EBAG9: variants seen among roughly 807,000 people sequenced by gnomAD.
EBAG9 encodes estrogen receptor binding site associated antigen 9.
EBAG9 carries 16 observed loss-of-function variants against 30.9 expected under a neutral mutation model. The ratio of observed to expected loss-of-function variants is 0.52; its 90% CI spans 0.35 to 0.79. The LOEUF is 0.79. Among genes scored for constraint, EBAG9 ranks in the 30% least tolerant of loss-of-function variants. EBAG9 has a pLI of 0.01. For synonymous variants in EBAG9, 93 were observed against 82.8 expected, an observed-to-expected ratio of 1.12 and a Z score of -0.67; for missense variants, 197 against 242.1, an observed-to-expected ratio of 0.81 and a Z score of 1.24.
rs532815835 is a variant in EBAG9, at chr8:109,541,916, T to G, written c.-16+1455T>G. On this transcript the variant is annotated intron_variant, in intron 1 of 6. Transcript: ENST00000337573. ...TGTGGCTTGATCGCATTTTCCCTAT[T>G]TTAGTGCAACTGGTTGGAAAATTTA... Among the ~76,000 whole-genome samples, 3 of 152,312 alleles carry G rather than the reference T, an allele frequency of 2.0e-5. No homozygotes were observed. In the South Asian group the frequency reaches 6.2e-4, roughly 32 times the overall value.
At chr8:109,558,385 A>G (rs1246808337) in intron 5 of EBAG9, among the ~76,000 whole-genome samples, 1 of 152,228 alleles carries the variant, frequency 6.6e-6, no homozygotes, top group Non-Finnish European at 1.5e-5. Flanking sequence ...ACACGATGCT[A>G]TGAACACATA....
intron 1 of EBAG9, among the ~76,000 whole-genome samples, chr8:109,541,315 C>A (rs77815243): frequency 6.6e-6 from 1 of 152,074 alleles, no homozygotes; most frequent in Non-Finnish European, 1.5e-5. Context: ...GAGGGCATTT[C>A]AAAAATCGCA....
chr8:109,554,964 C>A, intron 4 of EBAG9, 77 bp downstream of exon 4: 20 of 1,313,326 alleles, frequency 1.5e-5, no homozygotes, highest in South Asian at 2.9e-5. Context: ...ATACAATTCA[C>A]ATTTATTAGA....
At chr8:109,540,055 C>CCCACCTTCCTTTCGCCCTT (rs376120017), upstream of EBAG9, 2 of 153,200 alleles carry the variant, frequency 1.3e-5, no homozygotes, top group Middle Eastern at 3.1e-3. Flanking sequence ...TTCCCGCCCT[C>CCCACCTTCCTTTCGCCCTT]CCACCTTCCT....
chr8:109,564,468 G>A lies in EBAG9; in HGVS notation c.551G>A (p.Arg184Lys). The A allele has an allele frequency of 1.2e-6, 2 of 1,612,730 alleles. No individual in the cohort carries two copies. Among genetic ancestry groups the A allele is most frequent in the Non-Finnish European group, 1.7e-6 (2 of 1,179,022 alleles). The change falls in exon 7 of 7, where the codon AGA becomes AAA. Residue 184 changes from arginine to lysine, a missense_variant. Arg to Lys is a conservative substitution (Grantham distance 26). Transcript: ENST00000337573. ...RQQKLADREK[R>K]AAEQQRKKME... ...CAGAAACTAGCAGACAGAGAAAAGA[G>A]AGCAGCCGAACAACAAAGGAAGAAA... is the stretch of plus-strand genomic sequence containing the variant.
At position 109,551,301 on chromosome 8, in the gene EBAG9, TA is replaced by T. The variant is rs879342435; in HGVS notation, c.83+403del. Reference sequence around the variant, plus strand: ...ACTACAATAGTGTTGTTTTTATATTTAAAAAAAAATCCTAAGAAAAATCCTA... The same window carrying T: ...ACTACAATAGTGTTGTTTTTATATTTAAAAAAAATCCTAAGAAAAATCCTA... On this transcript the variant is annotated intron_variant, in intron 2 of 6. Transcript: ENST00000337573. Among the ~76,000 whole-genome samples, 54 of 151,048 alleles carry T rather than the reference TA, an allele frequency of 3.6e-4. 1 individual carries two copies. The highest frequency in any genetic ancestry group is 1.9e-3 in the South Asian group (9 of 4,794).
chr8:109,559,342 G>A (rs1220500160), intron 5 of EBAG9, among the ~76,000 whole-genome samples: 1 of 152,038 alleles, frequency 6.6e-6, no homozygotes, highest in Non-Finnish European at 1.5e-5. Flanking sequence ...TGTAGTCCTC[G>A]CTACTTGGGA....
chr8:109,563,233 T>G (rs529724041), intron 6 of EBAG9, among the ~76,000 whole-genome samples: 1 of 152,228 alleles, frequency 6.6e-6, no homozygotes, highest in Non-Finnish European at 1.5e-5. Flanking sequence ...GTACATACAT[T>G]TCACTCACTG....
At chr8:109,553,056 C>T (rs1322852791) in intron 2 of EBAG9, among the ~76,000 whole-genome samples, 1 of 150,756 alleles carries the variant, frequency 6.6e-6, no homozygotes, top group African/African-American at 2.4e-5. Flanking sequence ...GTTCTTAGTT[C>T]TTAGTTGATG....
chr8:109,563,262 C>A, intron 6 of EBAG9: 1 of 936,132 alleles, frequency 1.1e-6, no homozygotes, highest in Non-Finnish European at 1.6e-6. Context: ...ATTGAGCTCC[C>A]CCAGACATAG....
chr8:109,549,034 T>C (rs930333875), intron 1 of EBAG9, among the ~76,000 whole-genome samples: 1 of 151,762 alleles, frequency 6.6e-6, no homozygotes, highest in African/African-American at 2.4e-5. Context: ...CATATTACTG[T>C]AGGTTTTTCA....
intron 2 of EBAG9, 96 bp from the exon 3 acceptor site, chr8:109,553,769 T>G: frequency 3.4e-6 from 3 of 874,620 alleles, no homozygotes; most frequent in Non-Finnish European, 5.2e-6. Context: ...TTGAGAAAGA[T>G]CTTGTTTTAT....
chr8:109,546,511 T>A (rs1052648310), intron 1 of EBAG9, among the ~76,000 whole-genome samples: 6 of 152,232 alleles, frequency 3.9e-5, no homozygotes, highest in African/African-American at 1.4e-4. Flanking sequence ...TATATTTGTT[T>A]ATAATTTCTC....
intron 2 of EBAG9, 26 bp downstream of exon 2, chr8:109,550,933 A>C (rs773551802): frequency 1.4e-6 from 2 of 1,462,466 alleles, no homozygotes; most frequent in Non-Finnish European, 1.9e-6. Flanking sequence ...GTTCAAACTA[A>C]CCTGTTTATC....
chr8:109,551,817 T>TC (rs1821500277), intron 2 of EBAG9, among the ~76,000 whole-genome samples: 1 of 152,176 alleles, frequency 6.6e-6, no homozygotes. Flanking sequence ...TGTGCAGTGT[T>TC]CAACAGGCAC....
In EBAG9 at chr8:109,564,754, A is replaced by G; in HGVS notation, c.*195A>G. 3.5e-6 allele frequency: 2 copies of G among 567,334 alleles called. No individual in the cohort carries two copies. Among genetic ancestry groups the G allele is most frequent in the South Asian group, 6.0e-5 (2 of 33,278 alleles). 35.1% of individuals were successfully genotyped at this position (567,334 alleles called of 1,614,324 possible). A position where few individuals can be genotyped will look rare whatever the true frequency, so the allele number is the denominator to read the frequency against. On this transcript the variant is annotated 3_prime_UTR_variant, in exon 7 of 7. Coordinates refer to ENST00000337573, the MANE Select transcript of EBAG9 (RefSeq NM_004215.5). Reference sequence around the variant, plus strand: ...ATTGAGACTCAAAAAAACAAAAAAGACTTGAGACAATGTTTTCTTCAACAT... The same window carrying G: ...ATTGAGACTCAAAAAAACAAAAAAGGCTTGAGACAATGTTTTCTTCAACAT...
At chr8:109,557,063 AG>A in intron 5 of EBAG9, 21 bp downstream of exon 5, 1 of 1,467,454 alleles carries the variant, frequency 6.8e-7, no homozygotes, top group Admixed American at 1.9e-5. Flanking sequence ...TAATGGTTCT[AG>A]GGAAGGGTTT....
intron 1 of EBAG9, among the ~76,000 whole-genome samples, chr8:109,543,135 CTTTTTT>C (rs557388998): frequency 1.5e-4 from 8 of 52,878 alleles, no homozygotes; most frequent in Non-Finnish European, 2.0e-4. Flanking sequence ...TATTCTGGTT[CTTTTTT>C]TTTTTTTTTT....
intron 1 of EBAG9, among the ~76,000 whole-genome samples, chr8:109,546,779 A>G (rs1821393748): frequency 6.6e-6 from 1 of 152,232 alleles, no homozygotes; most frequent in Non-Finnish European, 1.5e-5. Context: ...ATGGAATCAT[A>G]CAGTGTATAT....
Sources: gnomAD v4.1 joint callset for allele counts (sites outside exome capture counted in the v4.1 genomes callset) on GRCh38, gnomAD v4.1.1 for gene constraint, MANE v1.5 for transcripts, NCBI Gene and HGNC (gene_info 2026-07-23, HGNC 2026-07-21) for gene names.